NKD2: variants seen among roughly 807,000 people sequenced by gnomAD.
NKD2 encodes protein naked cuticle homolog 2.
Under a neutral mutation model 34.8 loss-of-function variants are expected in NKD2, and 43 were observed. That is an observed-to-expected ratio of 1.24 (90% CI 0.97 to 1.60). NKD2 has a LOEUF of 1.60. NKD2 is among the 40% of genes most tolerant of loss of function. The pLI is 0.00. For synonymous variants in NKD2, 278 were observed against 265.1 expected, an observed-to-expected ratio of 1.05 and a Z score of -0.47; for missense variants, 675 against 627.1, an observed-to-expected ratio of 1.08 and a Z score of -0.82.
chr5:1,032,361 G>A (rs2150746093), intron 4 of NKD2, 149 bp downstream of exon 4: 1 of 687,496 alleles, frequency 1.5e-6, no homozygotes, highest in South Asian at 1.7e-5. Context: ...AAAAAGCCTT[G>A]GCAGCACAAC....
At chr5:1,018,653 A>G (rs1176304690) in intron 3 of NKD2, among the ~76,000 whole-genome samples, 1 of 152,146 alleles carries the variant, frequency 6.6e-6, no homozygotes, top group Non-Finnish European at 1.5e-5. Context: ...GCAGCTGCCC[A>G]CAGGCTGAGC....
chr5:1,010,606 A>C (rs945018682), intron 3 of NKD2, among the ~76,000 whole-genome samples: 1 of 152,174 alleles, frequency 6.6e-6, no homozygotes, highest in East Asian at 1.9e-4. Context: ...GCACGCTGTA[A>C]GGTACAGTAA....
At position 1,038,759 on chromosome 5, in the gene NKD2, T is replaced by A. The variant is rs1311074394; in HGVS notation, c.*386T>A. ...TCCCGGGGCTTCAAGGGGTGACTGCTGTAGGCTGTCCCAGTGCGAGGCCGG... is the reference window on the plus strand; with the variant it reads ...TCCCGGGGCTTCAAGGGGTGACTGCAGTAGGCTGTCCCAGTGCGAGGCCGG... On this transcript the variant is annotated 3_prime_UTR_variant, in exon 10 of 10. Coordinates refer to ENST00000296849, the MANE Select transcript of NKD2 (RefSeq NM_033120.4). This position sits in a 1 kb window ranked among gnomAD's most constrained non-coding sequence, Gnocchi z 4.5. The A allele has an allele frequency of 2.1e-6, 1 of 474,392 alleles. No individual in the cohort carries two copies. The highest frequency in any genetic ancestry group is 3.9e-6 in the Non-Finnish European group (1 of 258,160). The allele number at this position is 474,392 out of a possible 1,614,324, so 29.4% of individuals were successfully genotyped here. A position where few individuals can be genotyped will look rare whatever the true frequency, so the allele number is the denominator to read the frequency against.
At chr5:1,015,908 A>T (rs767077347) in intron 3 of NKD2, among the ~76,000 whole-genome samples, 38 of 152,192 alleles carry the variant, frequency 2.5e-4, no homozygotes, top group Non-Finnish European at 3.7e-4. Flanking sequence ...CAGGACCCCT[A>T]ATCAGTTCCA....
chr5:1,027,974 T>G (rs1216480555), intron 3 of NKD2, among the ~76,000 whole-genome samples: 2 of 152,182 alleles, frequency 1.3e-5, no homozygotes, highest in Non-Finnish European at 2.9e-5. Context: ...TGGGGGGCAG[T>G]GGTGCTCCAG....
In NKD2 at chr5:1,037,929, A is replaced by G. The variant is rs753387580; in HGVS notation, c.912A>G (p.Glu304=). ...VHHRRSQVLV[E]HVVPASEPAA... ...ACCGCAGGTCACAGGTGCTGGTGGA[A>G]CACGTCGTGCCAGCCTCGGAGCCTG... is the stretch of plus-strand genomic sequence containing the variant. Residue 304 remains glutamate, a synonymous_variant, in exon 10 of 10, where the codon GAA becomes GAG. Coordinates refer to ENST00000296849, the MANE Select transcript of NKD2 (RefSeq NM_033120.4). 2.3e-5 allele frequency: 37 copies of G among 1,607,520 alleles called. No homozygotes were observed. The South Asian group carries it at 3.7e-4, about 16-fold the overall frequency.
rs1733816602 is a variant in NKD2, at chr5:1,035,174, A to ATGAG, written c.575-212_575-211insGTGA. 4.6e-5 allele frequency among the ~76,000 whole-genome samples: 7 copies of ATGAG among 152,038 alleles called. No individual in the cohort carries two copies. In the East Asian group the frequency reaches 1.4e-3, roughly 30 times the overall value. The stretch of plus-strand genomic sequence containing the variant: ...TGAGTTAATGAATGAGTGAGTGTTA[A>ATGAG]TGAATGAGTGAGTTAATGAGTGAAC... On this transcript the variant is annotated intron_variant, in intron 7 of 9. Transcript: ENST00000296849.
At chr5:1,021,359 C>T (rs1282556961) in intron 3 of NKD2, among the ~76,000 whole-genome samples, 1 of 132,458 alleles carries the variant, frequency 7.5e-6, no homozygotes, top group Non-Finnish European at 1.6e-5. Context: ...GACCCGGCCC[C>T]CCGCCCCTCC....
At chr5:1,014,797 G>A (rs773206734) in intron 3 of NKD2, among the ~76,000 whole-genome samples, 11 of 152,232 alleles carry the variant, frequency 7.2e-5, no homozygotes, top group Admixed American at 1.3e-4. Context: ...GGTCAGCCCC[G>A]ACAGAGGCTG....
chr5:1,038,331 G>A lies in NKD2; in HGVS notation c.1314G>A (p.Glu438=). The change falls in exon 10 of 10, where the codon GAG becomes GAA. Residue 438 remains glutamate (E), a synonymous_variant. Coordinates refer to ENST00000296849, the MANE Select transcript of NKD2 (RefSeq NM_033120.4). The surrounding 1 kb of genome is among the most constrained non-coding windows in gnomAD (Gnocchi z 4.5). ...GGCACGAGCACCACCACCACCACGA[G>A]CACCACCACCACCACCACCACCACC... ...IQRHEHHHHH[E]HHHHHHHHHF... The A allele has an allele frequency of 6.5e-7, 1 of 1,528,522 alleles. No homozygotes were observed. The highest frequency in any genetic ancestry group is 8.8e-7 in the Non-Finnish European group (1 of 1,142,286). 94.7% of individuals were successfully genotyped at this position (1,528,522 alleles called of 1,614,324 possible). A position where few individuals can be genotyped will look rare whatever the true frequency, so the allele number is the denominator to read the frequency against.
In NKD2 at chr5:1,038,527, AT is replaced by A; in HGVS notation, c.*155del. ...GCAACTGACTGCAGGTGCTGGCATG[AT>A]GGAGGTGGTGCACCTTGGACACGTG... On this transcript the variant is annotated 3_prime_UTR_variant, in exon 10 of 10. Transcript: ENST00000296849. This position sits in a 1 kb window ranked among gnomAD's most constrained non-coding sequence, Gnocchi z 4.5. The A allele has an allele frequency of 6.8e-7, 1 of 1,468,330 alleles. No individual in the cohort carries two copies. Among genetic ancestry groups the A allele is most frequent in the Non-Finnish European group, 9.2e-7 (1 of 1,087,614 alleles). The allele number at this position is 1,468,330 out of a possible 1,614,324, so 91.0% of individuals were successfully genotyped here. A position where few individuals can be genotyped will look rare whatever the true frequency, so the allele number is the denominator to read the frequency against.
At chr5:1,029,754 C>A (rs1015811929) in intron 3 of NKD2, among the ~76,000 whole-genome samples, 2 of 152,218 alleles carry the variant, frequency 1.3e-5, no homozygotes, top group Admixed American at 1.3e-4. Flanking sequence ...GGAGCCACCG[C>A]ACCTCCGGCT....
intron 9 of NKD2, among the ~76,000 whole-genome samples, chr5:1,037,167 G>A (rs758109683): frequency 1.3e-5 from 2 of 152,128 alleles, no homozygotes; most frequent in South Asian, 2.1e-4. Flanking sequence ...GTTTATTTCC[G>A]ACTAGCAGCA....
Position 1,035,864 on chromosome 5 carries a change from G to A in NKD2, c.659+391G>A, listed in dbSNP as rs1733884101. On this transcript the variant is annotated intron_variant, in intron 8 of 9. Coordinates refer to ENST00000296849, the MANE Select transcript of NKD2 (RefSeq NM_033120.4). ...GGGGGTGGCTGGGGCAATGGCTAAG[G>A]GTGGCTGGGGTAGTGGCTGGGGATG... is the stretch of plus-strand genomic sequence containing the variant. 7.8e-6 allele frequency: 3 copies of A among 386,830 alleles called. No individual in the cohort carries two copies. In the South Asian group the frequency reaches 1.3e-4, roughly 17 times the overall value. 24.0% of individuals were successfully genotyped at this position (386,830 alleles called of 1,614,324 possible).
chr5:1,031,513 T>C (rs905098159), intron 3 of NKD2, among the ~76,000 whole-genome samples: 9 of 152,004 alleles, frequency 5.9e-5, no homozygotes, highest in Non-Finnish European at 1.0e-4. Flanking sequence ...CGGTGTGTGC[T>C]GGGCCGAGGG....
chr5:1,032,514 T>A (rs1301864060), intron 4 of NKD2, among the ~76,000 whole-genome samples: 1 of 152,230 alleles, frequency 6.6e-6, no homozygotes, highest in Non-Finnish European at 1.5e-5. Context: ...TGGCTCTGTA[T>A]AAAGGGGACC....
chr5:1,019,875 G>A (rs989005336), intron 3 of NKD2, among the ~76,000 whole-genome samples: 5 of 152,144 alleles, frequency 3.3e-5, no homozygotes, highest in Admixed American at 1.3e-4. Flanking sequence ...GGTTTTTCCC[G>A]GGGAAGAATT....
intron 8 of NKD2, 43 bp from the exon 9 acceptor site, chr5:1,036,214 C>T (rs753567812): frequency 1.3e-6 from 2 of 1,501,610 alleles, no homozygotes; most frequent in East Asian, 4.9e-5. Flanking sequence ...GGTGCGCCAC[C>T]CAGTCTGTGC....
intron 9 of NKD2, 35 bp from the exon 10 acceptor site, chr5:1,037,770 C>T (rs758779540): frequency 2.6e-6 from 4 of 1,561,244 alleles, no homozygotes; most frequent in Non-Finnish European, 1.7e-6. Flanking sequence ...TGAGCCTGCA[C>T]TCCCAGGGCC....
Sources: gnomAD v4.1 joint callset for allele counts (sites outside exome capture counted in the v4.1 genomes callset) on GRCh38, gnomAD v4.1.1 for gene constraint, Gnocchi (gnomAD v3.1) non-coding constraint, MANE v1.5 for transcripts, NCBI Gene and HGNC (gene_info 2026-07-23, HGNC 2026-07-21) for gene names.